Variants in CDH7 observed in about 807,000 individuals in gnomAD.
The protein encoded by CDH7 is cadherin 7, also known as cadherin-7.
In CDH7, 25 loss-of-function variants were observed where a neutral mutation model predicts 71.8. That is an observed-to-expected ratio of 0.35 (90% confidence interval 0.25 to 0.49). CDH7 has a LOEUF of 0.49. CDH7 is among the 20% of genes least tolerant of loss of function. The probability of loss-of-function intolerance (pLI) is 0.99; values close to 1 mark genes in which losing one functional copy is unlikely to be tolerated. For missense variants in CDH7, 862 were observed against 974.6 expected (o/e 0.88, Z 1.54); for synonymous variants, 381 against 363.8 (o/e 1.05, Z -0.54).
chr18:65,843,851 A>T lies in CDH7; in HGVS notation c.1021A>T (p.Ile341Leu). The change falls in exon 7 of 12, where the codon ATA (isoleucine) becomes TTA (leucine). Residue 341 changes from isoleucine (I) to leucine (L), a missense_variant. Coordinates refer to ENST00000397968, the MANE Select transcript of CDH7 (RefSeq NM_004361.5). The stretch of plus-strand genomic sequence containing the variant: ...AGCCAAAACAAGTTACACGCTACGG[A>T]TAGAAGCTGCAAATAAAGATGCCGA... ...FEAKTSYTLR[I>L]EAANKDADPR... 1 of 1,583,550 alleles carries T rather than the reference A, an allele frequency of 6.3e-7. No homozygotes were observed. Among genetic ancestry groups the T allele is most frequent in the Non-Finnish European group, 8.6e-7 (1 of 1,162,506 alleles).
At chr18:65,825,603 A>C (rs1912099935) in intron 6 of CDH7, among the ~76,000 whole-genome samples, 1 of 151,894 alleles carries the variant, frequency 6.6e-6, no homozygotes, top group Non-Finnish European at 1.5e-5. Flanking sequence ...AAAATATATC[A>C]ATATCTTGAC....
chr18:65,870,785 G>T (rs1913903893), intron 11 of CDH7, among the ~76,000 whole-genome samples: 1 of 152,050 alleles, frequency 6.6e-6, no homozygotes, highest in Non-Finnish European at 1.5e-5. Context: ...TGTTTCTTTT[G>T]TAGTACTTAT....
chr18:65,844,890 G>T (rs972527312), intron 7 of CDH7, among the ~76,000 whole-genome samples: 4 of 151,836 alleles, frequency 2.6e-5, no homozygotes, highest in African/African-American at 9.7e-5. Flanking sequence ...GTTTGATTTT[G>T]ATTACAAAGA....
chr18:65,853,920 T>TATATATATATATAC (rs1913241640), intron 7 of CDH7, among the ~76,000 whole-genome samples: 1 of 70,598 alleles, frequency 1.4e-5, no homozygotes, highest in African/African-American at 7.6e-5. Flanking sequence ...TATATATATA[T>TATATATATATATAC]ATATATATAT....
At chr18:65,838,806 A>G (rs1912624677) in intron 6 of CDH7, among the ~76,000 whole-genome samples, 1 of 152,220 alleles carries the variant, frequency 6.6e-6, no homozygotes, top group Non-Finnish European at 1.5e-5. Flanking sequence ...TATTCGTTAT[A>G]GTCATATTTT....
At chr18:65,754,640 C>T (rs907229080) in intron 1 of CDH7, among the ~76,000 whole-genome samples, 1 of 151,958 alleles carries the variant, frequency 6.6e-6, no homozygotes, top group South Asian at 2.1e-4. Flanking sequence ...GATTATAATG[C>T]GAATATCAGC....
At position 65,826,230 on chromosome 18, in the gene CDH7, T is replaced by C. The variant is rs541251295; in HGVS notation, c.981+1399T>C. Reference sequence around the variant, plus strand: ...TCATTAAAAAATTGCAAGGAGAAATTTGATTCTAACTTATAACAATAGAAA... The same window carrying C: ...TCATTAAAAAATTGCAAGGAGAAATCTGATTCTAACTTATAACAATAGAAA... On this transcript the variant is annotated intron_variant, in intron 6 of 11. Transcript: ENST00000397968. 1.5e-3 allele frequency among the ~76,000 whole-genome samples: 214 copies of C among 143,812 alleles called. 1 individual carries two copies. Among genetic ancestry groups the C allele is most frequent in the African/African-American group, 5.3e-3 (209 of 39,710 alleles). The allele number at this position is 143,812 out of a possible 152,430, so 94.3% of individuals were successfully genotyped here.
At chr18:65,758,988 G>A (rs899749769) in intron 1 of CDH7, among the ~76,000 whole-genome samples, 42 of 152,130 alleles carry the variant, frequency 2.8e-4, no homozygotes, top group African/African-American at 3.9e-4. Context: ...CAATTATCAA[G>A]TATCTTCCCT....
intron 3 of CDH7, among the ~76,000 whole-genome samples, chr18:65,811,966 C>CT (rs57594274): frequency 0.062 from 5,892 of 95,724 alleles, 666 homozygotes; most frequent in African/African-American, 0.14. Flanking sequence ...CTTTTCTTTT[C>CT]TTTTTTTTTT....
At chr18:65,836,827 T>C (rs2143972102) in intron 6 of CDH7, among the ~76,000 whole-genome samples, 1 of 152,302 alleles carries the variant, frequency 6.6e-6, no homozygotes, top group East Asian at 1.9e-4. Context: ...ATTTTTTCTT[T>C]GTAAATCAGT....
In CDH7 at chr18:65,886,710, AG is replaced by A. The variant is rs1170355132; in HGVS notation, c.*5817del. The A allele has an allele frequency of 6.6e-6, 1 of 152,172 alleles. No homozygotes were observed. The highest frequency in any genetic ancestry group is 1.9e-4 in the East Asian group (1 of 5,180). 9.4% of individuals were successfully genotyped at this position (152,172 alleles called of 1,614,324 possible). ...AGAATACAATACTTTTTAAAGTCAC[AG>A]TGACATATGTGTAATTAATAATTTA... On this transcript the variant is annotated 3_prime_UTR_variant, in exon 12 of 12. Coordinates refer to ENST00000397968, the MANE Select transcript of CDH7 (RefSeq NM_004361.5).
At chr18:65,843,226 T>C (rs1369513696) in intron 6 of CDH7, among the ~76,000 whole-genome samples, 3 of 152,094 alleles carry the variant, frequency 2.0e-5, no homozygotes, top group East Asian at 3.9e-4. Flanking sequence ...AATAGAGATC[T>C]AGTATATTTT....
At chr18:65,778,049 G>T (rs1269125109) in intron 2 of CDH7, among the ~76,000 whole-genome samples, 1 of 152,010 alleles carries the variant, frequency 6.6e-6, no homozygotes, top group Non-Finnish European at 1.5e-5. Flanking sequence ...GAGGCGGGTG[G>T]ATCATGAGGT....
intron 2 of CDH7, among the ~76,000 whole-genome samples, chr18:65,807,361 C>G (rs1444222763): frequency 6.6e-6 from 1 of 152,114 alleles, no homozygotes; most frequent in Non-Finnish European, 1.5e-5. Flanking sequence ...ACCACAGGGA[C>G]ATTGTAGCAC....
intron 1 of CDH7, among the ~76,000 whole-genome samples, chr18:65,760,132 TATG>T (rs1237923604): frequency 3.3e-5 from 5 of 152,168 alleles, no homozygotes; most frequent in African/African-American, 1.2e-4. Context: ...AACTAAAAAA[TATG>T]ATAATAATCC....
chr18:65,838,907 C>A (rs1912629079), intron 6 of CDH7, among the ~76,000 whole-genome samples: 1 of 152,144 alleles, frequency 6.6e-6, no homozygotes, highest in Non-Finnish European at 1.5e-5. Flanking sequence ...TTTCCATTTG[C>A]TTATAATCTA....
chr18:65,755,603 C>G (rs376579188), intron 1 of CDH7, among the ~76,000 whole-genome samples: 20 of 152,198 alleles, frequency 1.3e-4, no homozygotes, highest in African/African-American at 4.1e-4. Context: ...TGTTTTCTCT[C>G]TAGTGTTGTA....
intron 11 of CDH7, chr18:65,866,331 CAAAAAAA>C (rs1291511991): frequency 0.11 from 278 of 2,606 alleles, 88 homozygotes; most frequent in Middle Eastern, 0.5. Context: ...AAAAAAAAAA[CAAAAAAA>C]AAAAAAAAAA....
chr18:65,777,863 C>G (rs1275328152), intron 2 of CDH7, among the ~76,000 whole-genome samples: 1 of 152,098 alleles, frequency 6.6e-6, no homozygotes, highest in African/African-American at 2.4e-5. Flanking sequence ...TGTTATCAGC[C>G]ATTTAGCAAT....
Sources: allele counts gnomAD v4.1 joint callset (sites outside exome capture counted in the v4.1 genomes callset), GRCh38; gene constraint gnomAD v4.1.1; transcripts MANE v1.5; gene names NCBI Gene and HGNC (gene_info 2026-07-23, HGNC 2026-07-21).